Variants in SPATA6 observed in about 807,000 individuals in gnomAD.
SPATA6 encodes the protein spermatogenesis-associated protein 6.
In SPATA6, 56 loss-of-function variants were observed where a neutral mutation model predicts 65.3. The observed-to-expected ratio is 0.86, with a 90% CI of 0.69 to 1.07. The LOEUF (loss-of-function observed/expected upper bound fraction) is 1.07. Among genes scored for constraint, SPATA6 ranks in the 50% least tolerant of loss-of-function variants. The pLI is 0.00. For missense variants in SPATA6, 590 were observed against 594.8 expected, an observed-to-expected ratio of 0.99 and a Z score of 0.08; for synonymous variants, 199 against 213.2, an observed-to-expected ratio of 0.93 and a Z score of 0.58.
intron 1 of SPATA6, among the ~76,000 whole-genome samples, chr1:48,462,905 C>T (rs1657554799): frequency 6.6e-6 from 1 of 152,072 alleles, no homozygotes; most frequent in Non-Finnish European, 1.5e-5. Flanking sequence ...CAAAGACCAC[C>T]CTCACCAATG....
chr1:48,406,919 C>A (rs1651764232), intron 5 of SPATA6, among the ~76,000 whole-genome samples: 1 of 152,160 alleles, frequency 6.6e-6, no homozygotes, highest in Non-Finnish European at 1.5e-5. Flanking sequence ...AGGAGCATAG[C>A]CTGGGACTTA....
At chr1:48,406,193 C>G (rs1032372023) in intron 5 of SPATA6, among the ~76,000 whole-genome samples, 14 of 152,102 alleles carry the variant, frequency 9.2e-5, no homozygotes, top group African/African-American at 3.4e-4. Context: ...CGCAACTGCA[C>G]TCCAGCCTGG....
intron 3 of SPATA6, among the ~76,000 whole-genome samples, chr1:48,442,204 C>T (rs1384783723): frequency 1.3e-5 from 2 of 152,222 alleles, no homozygotes; most frequent in Admixed American, 1.3e-4. Context: ...CCCCCAGGGA[C>T]TGGCGCCCAG....
At chr1:48,404,910 G>A (rs935836309) in intron 5 of SPATA6, among the ~76,000 whole-genome samples, 4 of 152,110 alleles carry the variant, frequency 2.6e-5, no homozygotes, top group East Asian at 1.9e-4. Context: ...ACACAATTAC[G>A]CATTCACCAA....
chr1:48,318,004 A>G (rs1206096881), intron 11 of SPATA6, among the ~76,000 whole-genome samples: 4 of 152,204 alleles, frequency 2.6e-5, no homozygotes, highest in African/African-American at 9.6e-5. Context: ...TGACTCATAT[A>G]AAATTCAATC....
intron 11 of SPATA6, among the ~76,000 whole-genome samples, chr1:48,346,139 A>G (rs538665127): frequency 3.3e-5 from 5 of 152,284 alleles, no homozygotes; most frequent in African/African-American, 1.2e-4. Flanking sequence ...GCCACATTCA[A>G]GTAGACTTTA....
chr1:48,272,476 C>T, the SPATA6 span, among the ~76,000 whole-genome samples: 1 of 152,078 alleles, frequency 6.6e-6, no homozygotes, highest in South Asian at 2.1e-4. Context: ...TAGCAAGATG[C>T]CATAAAACTC....
At position 48,352,903 on chromosome 1, in the gene SPATA6, CAAAAA is replaced by C. The variant is rs35929341; in HGVS notation, c.1194+2762_1194+2766del. Among the ~76,000 whole-genome samples, 141 of 133,334 alleles carry C rather than the reference CAAAAA, an allele frequency of 1.1e-3. 1 individual carries two copies. The highest frequency in any genetic ancestry group is 3.8e-3 in the African/African-American group (134 of 35,182). 87.5% of individuals were successfully genotyped at this position (133,334 alleles called of 152,430 possible). A position where few individuals can be genotyped will look rare whatever the true frequency, so the allele number is the denominator to read the frequency against. On this transcript the variant is annotated intron_variant, in intron 11 of 12. Coordinates refer to ENST00000371847, the MANE Select transcript of SPATA6 (RefSeq NM_019073.4). ...ACAATGGATTAGCTTCTTTTAAATA[CAAAAA>C]AAAAAAAAAAAAATGACTTTTAACC...
At chr1:48,343,529 T>C (rs1387266236) in intron 11 of SPATA6, among the ~76,000 whole-genome samples, 1 of 152,108 alleles carries the variant, frequency 6.6e-6, no homozygotes, top group Non-Finnish European at 1.5e-5. Flanking sequence ...TTGCATTGGA[T>C]TTGCCAGAGA....
chr1:48,442,733 A>AC (rs1193266307), intron 3 of SPATA6, among the ~76,000 whole-genome samples: 2 of 149,272 alleles, frequency 1.3e-5, no homozygotes, highest in Non-Finnish European at 3.0e-5. Flanking sequence ...AAAAAAAAAA[A>AC]AAAAAAAAAA....
intron 1 of SPATA6, among the ~76,000 whole-genome samples, chr1:48,455,972 T>C (rs1656970456): frequency 6.6e-6 from 1 of 152,144 alleles, no homozygotes; most frequent in Admixed American, 6.5e-5. Context: ...CCTAGCAAGG[T>C]GGTTGACTTA....
chr1:48,347,813 T>C (rs1186917796), intron 11 of SPATA6, among the ~76,000 whole-genome samples: 2 of 151,642 alleles, frequency 1.3e-5, no homozygotes, highest in African/African-American at 2.4e-5. Context: ...CACCTGGACT[T>C]GTGATCCACA....
chr1:48,413,456 C>T (rs868283109), intron 3 of SPATA6, among the ~76,000 whole-genome samples: 9 of 110,836 alleles, frequency 8.1e-5, no homozygotes, highest in Middle Eastern at 5.1e-3. Flanking sequence ...CGCCCGGATA[C>T]TTTTTTTTTT....
At chr1:48,384,957 G>A (rs541096873) in intron 9 of SPATA6, among the ~76,000 whole-genome samples, 55 of 152,238 alleles carry the variant, frequency 3.6e-4, no homozygotes, top group Middle Eastern at 6.8e-3. Context: ...ACATATGCCT[G>A]CAAAAATTAT....
chr1:48,424,442 A>C (rs1246005895), intron 3 of SPATA6, among the ~76,000 whole-genome samples: 1 of 152,230 alleles, frequency 6.6e-6, no homozygotes, highest in African/African-American at 2.4e-5. Context: ...GTGCTGCAAC[A>C]AATGTAGAAG....
At chr1:48,418,021 C>G (rs937021972) in intron 3 of SPATA6, among the ~76,000 whole-genome samples, 1 of 152,078 alleles carries the variant, frequency 6.6e-6, no homozygotes, top group Non-Finnish European at 1.5e-5. Context: ...TCTTCTTTTA[C>G]TAAAATGGAT....
At chr1:48,457,230 G>A (rs570815565) in intron 1 of SPATA6, among the ~76,000 whole-genome samples, 6 of 152,194 alleles carry the variant, frequency 3.9e-5, no homozygotes, top group Admixed American at 6.5e-5. Context: ...TCAGGAGTTC[G>A]AGACCAGCTT....
intron 9 of SPATA6, among the ~76,000 whole-genome samples, chr1:48,366,904 A>G (rs533999634): frequency 6.6e-6 from 1 of 152,080 alleles, no homozygotes; most frequent in South Asian, 2.1e-4. Context: ...TCAATTTTGC[A>G]TCTTTCCTGC....
intron 11 of SPATA6, among the ~76,000 whole-genome samples, chr1:48,331,348 G>A (rs1372805855): frequency 6.6e-6 from 1 of 150,504 alleles, no homozygotes; most frequent in Admixed American, 6.6e-5. Context: ...CACAGGAGCT[G>A]ACAGAAAAAA....
Sources: gnomAD v4.1 joint callset for allele counts (sites outside exome capture counted in the v4.1 genomes callset) on GRCh38, gnomAD v4.1.1 for gene constraint, MANE v1.5 for transcripts, NCBI Gene and HGNC (gene_info 2026-07-23, HGNC 2026-07-21) for gene names.